The following MTMR10 variants were observed in gnomAD, a reference collection of about 807,000 sequenced individuals.
MTMR10 encodes the protein myotubularin related protein 10.
A neutral mutation model predicts 88.1 loss-of-function variants in MTMR10; 56 were observed. The ratio of observed to expected loss-of-function variants is 0.64; its 90% CI spans 0.51 to 0.79. MTMR10 has a LOEUF of 0.79. MTMR10 is among the 30% of genes least tolerant of loss of function. The pLI, the probability that MTMR10 is intolerant of heterozygous loss-of-function variation, is 0.00. For missense variants in MTMR10, 883 were observed against 924.7 expected (o/e 0.95, Z 0.58); for synonymous variants, 380 against 340.9 (o/e 1.11, Z -1.26).
At chr15:30,920,103 A>G in the MTMR10 span, among the ~76,000 whole-genome samples, 7 of 152,250 alleles carry the variant, frequency 4.6e-5, no homozygotes, top group African/African-American at 1.7e-4. Flanking sequence ...AGCCACAAGA[A>G]GTACGTATGC....
the MTMR10 span, among the ~76,000 whole-genome samples, chr15:30,932,027 C>A: frequency 0.14 from 21,004 of 151,088 alleles, 1,762 homozygotes; most frequent in African/African-American, 0.25. Context: ...TTGAGACCAT[C>A]CTGGCTAACA....
chr15:30,980,764 C>T (rs751803596), intron 2 of MTMR10, among the ~76,000 whole-genome samples: 4 of 151,928 alleles, frequency 2.6e-5, no homozygotes, highest in African/African-American at 4.8e-5. Context: ...AGCGGGGGGA[C>T]GGCATTTCCA....
intron 3 of MTMR10, among the ~76,000 whole-genome samples, chr15:30,975,941 A>T (rs2141051295): frequency 6.6e-6 from 1 of 152,314 alleles, no homozygotes; most frequent in Non-Finnish European, 1.5e-5. Context: ...TAAGTTAATC[A>T]AATGAATGCC....
At chr15:30,970,404 A>G (rs139175598) in intron 5 of MTMR10, among the ~76,000 whole-genome samples, 392 of 152,248 alleles carry the variant, frequency 2.6e-3, no homozygotes, top group Non-Finnish European at 4.5e-3. Context: ...GACAGGCTAA[A>G]AAGTAGAGAA....
chr15:30,938,648 C>G (rs1173171898), downstream of MTMR10, among the ~76,000 whole-genome samples: 5 of 152,050 alleles, frequency 3.3e-5, no homozygotes, highest in East Asian at 1.9e-4. Context: ...GACTGGAACC[C>G]CAGTCTGTCT....
chr15:30,940,923 A>C lies in MTMR10; in HGVS notation c.*547T>G. On this transcript the variant is annotated 3_prime_UTR_variant, in exon 16 of 16. Transcript: ENST00000435680. ...GTTAAAAGCAAACTCATGATTTCAA[A>C]ACACAGTGATCTAAGGTTCCAAAGA... The C allele has an allele frequency of 9.5e-7, 1 of 1,049,164 alleles. No individual in the cohort carries two copies. Among genetic ancestry groups the C allele is most frequent in the Non-Finnish European group, 1.2e-6 (1 of 867,420 alleles). The allele number at this position is 1,049,164 out of a possible 1,614,324, so 65.0% of individuals were successfully genotyped here.
chr15:30,921,418 G>C, the MTMR10 span, among the ~76,000 whole-genome samples: 9 of 152,092 alleles, frequency 5.9e-5, no homozygotes, highest in Admixed American at 5.9e-4. Flanking sequence ...GAAATTTGTC[G>C]TATCCTAAAC....
chr15:30,983,186 G>A (rs1227357167), intron 2 of MTMR10, among the ~76,000 whole-genome samples: 2 of 152,144 alleles, frequency 1.3e-5, no homozygotes, highest in Non-Finnish European at 1.5e-5. Flanking sequence ...CATCAGCCAC[G>A]GTGGGACCAT....
intron 2 of MTMR10, among the ~76,000 whole-genome samples, chr15:30,983,880 A>C (rs1001081929): frequency 6.6e-6 from 1 of 152,222 alleles, no homozygotes; most frequent in Non-Finnish European, 1.5e-5. Flanking sequence ...CTAACACACA[A>C]TGTAAAAAAG....
Position 30,940,220 on chromosome 15 carries a change from GCTT to G in MTMR10, c.*1247_*1249del. 1.0e-6 allele frequency: 1 copy of G among 985,308 alleles called. No individual in the cohort carries two copies. The highest frequency in any genetic ancestry group is 1.7e-5 in the African/African-American group (1 of 57,340). The allele number at this position is 985,308 out of a possible 1,614,324, so 61.0% of individuals were successfully genotyped here. A position where few individuals can be genotyped will look rare whatever the true frequency, so the allele number is the denominator to read the frequency against. On this transcript the variant is annotated 3_prime_UTR_variant, in exon 16 of 16. Transcript: ENST00000435680. ...GTGCCCCGTTTCACTGCTGTAAGAA[GCTT>G]CAGCTTTGACCGCTACAGTGGTAGG...
At chr15:30,977,975 TGAAGACAAGCCTCCCTCTCA>T (rs1455119951) in intron 2 of MTMR10, among the ~76,000 whole-genome samples, 1 of 152,218 alleles carries the variant, frequency 6.6e-6, no homozygotes, top group Non-Finnish European at 1.5e-5. Context: ...ACTTCCACTT[TGAAGACAAGCCTCCCTCTCA>T]TGGCTGGGAG....
chr15:30,925,166 G>T, the MTMR10 span: 1 of 1,614,040 alleles, frequency 6.2e-7, no homozygotes, highest in Non-Finnish European at 8.5e-7. Context: ...GGATCCGGAA[G>T]TCAGAACGGG....
intron 7 of MTMR10, among the ~76,000 whole-genome samples, chr15:30,959,440 G>A (rs186446365): frequency 2.0e-5 from 3 of 152,242 alleles, no homozygotes; most frequent in East Asian, 3.9e-4. Flanking sequence ...CTCTTGACAG[G>A]CTATGGTTAA....
chr15:30,944,738 C>T (rs1290136075), intron 14 of MTMR10, among the ~76,000 whole-genome samples: 7 of 151,698 alleles, frequency 4.6e-5, no homozygotes, highest in Non-Finnish European at 7.4e-5. Flanking sequence ...TGGCCAAGCA[C>T]GGTGGCTCAC....
chr15:30,923,022 T>A, the MTMR10 span, among the ~76,000 whole-genome samples: 2 of 152,250 alleles, frequency 1.3e-5, no homozygotes, highest in Non-Finnish European at 2.9e-5. Context: ...GGCCCCTCCC[T>A]GTCTCTATTC....
chr15:30,961,159 C>T, intron 6 of MTMR10, 86 bp from the exon 7 acceptor site: 1 of 1,457,376 alleles, frequency 6.9e-7, no homozygotes. Context: ...CACATGCATA[C>T]TCTGATGTGC....
chr15:30,990,079 A>T (rs1013547799), intron 2 of MTMR10, among the ~76,000 whole-genome samples: 1 of 151,918 alleles, frequency 6.6e-6, no homozygotes, highest in Admixed American at 6.6e-5. Context: ...CCTATAGCAA[A>T]TTTTGTTCTA....
downstream of MTMR10, chr15:30,937,042 G>C: frequency 1.7e-6 from 2 of 1,197,248 alleles, no homozygotes; most frequent in Non-Finnish European, 2.4e-6. Context: ...ATAGTTGTCA[G>C]TGACAACTAC....
intron 12 of MTMR10, chr15:30,948,835 T>C (rs1401607147): frequency 3.8e-6 from 1 of 264,014 alleles, no homozygotes; most frequent in Admixed American, 5.3e-5. Context: ...CACATGGCAA[T>C]ACTGAGAAGT....
Sources: allele counts gnomAD v4.1 joint callset (sites outside exome capture counted in the v4.1 genomes callset), GRCh38; gene constraint gnomAD v4.1.1; transcripts MANE v1.5; gene names NCBI Gene and HGNC (gene_info 2026-07-23, HGNC 2026-07-21).